UGT8: variants seen among roughly 807,000 people sequenced by gnomAD.
UGT8 encodes 2-hydroxyacylsphingosine 1-beta-galactosyltransferase.
A neutral mutation model predicts 40.5 loss-of-function variants in UGT8; 12 were observed. The observed-to-expected ratio is 0.30, with a 90% CI of 0.19 to 0.48. The LOEUF is 0.48. Among genes scored for constraint, UGT8 ranks in the 20% least tolerant of loss-of-function variants. The probability of loss-of-function intolerance (pLI) is 0.99; values close to 1 mark genes in which losing one functional copy is unlikely to be tolerated. For missense variants in UGT8, 513 were observed against 648.7 expected (o/e 0.79, Z 2.27); for synonymous variants, 224 against 240.4 (o/e 0.93, Z 0.63).
At chr4:114,601,287 T>C (rs1440981323) in intron 1 of UGT8, among the ~76,000 whole-genome samples, 1 of 152,230 alleles carries the variant, frequency 6.6e-6, no homozygotes, top group African/African-American at 2.4e-5. Flanking sequence ...TATTGCACCT[T>C]ATGAACAACT....
rs755552076 is a variant in UGT8 at position 114,665,763 on chromosome 4, CAAT to C, written c.1042+8_1042+10del. 7.5e-6 allele frequency: 12 copies of C among 1,596,582 alleles called. No homozygotes were observed. The Admixed American group carries it at 2.1e-4, about 28-fold the overall frequency. On this transcript the variant is annotated splice_region_variant and intron_variant, in intron 4 of 5. Transcript: ENST00000310836. ...CCACAAAATGACCTGCTTGGTAAGT[CAAT>C]GATGTGTGGTTACTTACTTGGCTGT...
At chr4:114,647,742 A>G (rs1395660409) in intron 2 of UGT8, among the ~76,000 whole-genome samples, 2 of 152,152 alleles carry the variant, frequency 1.3e-5, no homozygotes, top group African/African-American at 4.8e-5. Context: ...ATGAGGTCCA[A>G]GGAGGCTAAG....
intron 2 of UGT8, among the ~76,000 whole-genome samples, chr4:114,628,671 A>G (rs1219180970): frequency 6.7e-6 from 1 of 150,250 alleles, no homozygotes; most frequent in Non-Finnish European, 1.5e-5. Flanking sequence ...ATATTTCCAC[A>G]TTAGGAGTAT....
At chr4:114,602,748 G>A (rs777415686) in intron 1 of UGT8, among the ~76,000 whole-genome samples, 11 of 152,162 alleles carry the variant, frequency 7.2e-5, no homozygotes, top group Admixed American at 2.0e-4. Context: ...ATTTGGAAGT[G>A]GTCAATTCTG....
intron 2 of UGT8, among the ~76,000 whole-genome samples, chr4:114,654,633 C>A (rs1304014246): frequency 2.0e-5 from 3 of 152,190 alleles, no homozygotes; most frequent in South Asian, 2.1e-4. Context: ...GTAGCTACAA[C>A]ACCTTCCCTT....
intron 2 of UGT8, among the ~76,000 whole-genome samples, chr4:114,636,358 T>C (rs1732886895): frequency 6.6e-6 from 1 of 152,236 alleles, no homozygotes; most frequent in African/African-American, 2.4e-5. Flanking sequence ...GCTGAAGCCT[T>C]ACACAGCTGT....
chr4:114,644,841 C>T (rs1733461211), intron 2 of UGT8, among the ~76,000 whole-genome samples: 1 of 152,146 alleles, frequency 6.6e-6, no homozygotes, highest in Non-Finnish European at 1.5e-5. Flanking sequence ...CCCTCTACAG[C>T]TGAAAGTGGC....
intron 2 of UGT8, among the ~76,000 whole-genome samples, chr4:114,648,168 A>AT (rs1733689975): frequency 6.6e-6 from 1 of 152,132 alleles, no homozygotes; most frequent in Admixed American, 6.5e-5. Flanking sequence ...ATAGAATGCC[A>AT]TTCCAACATA....
chr4:114,622,985 G>A lies in UGT8; in HGVS notation c.105G>A (p.Met35Ile), dbSNP rs1251936769. ...IVPPIMFESHMYIFKTLASAL... is the reference protein window; with the variant it reads ...IVPPIMFESHIYIFKTLASAL... ...CGCCAATTATGTTTGAAAGCCATAT[G>A]TACATTTTCAAGACGCTAGCCTCAG... Residue 35 changes from methionine to isoleucine, a missense_variant, in exon 2 of 6, where the codon ATG (methionine) becomes ATA (isoleucine). Met to Ile is a conservative substitution (Grantham distance 10). Coordinates refer to ENST00000310836, the MANE Select transcript of UGT8 (RefSeq NM_001128174.3). 1.2e-6 allele frequency: 2 copies of A among 1,614,072 alleles called. No homozygotes were observed. The highest frequency in any genetic ancestry group is 1.7e-6 in the Non-Finnish European group (2 of 1,180,006).
intron 1 of UGT8, among the ~76,000 whole-genome samples, chr4:114,617,998 T>TA (rs1275006074): frequency 6.6e-6 from 1 of 152,220 alleles, no homozygotes; most frequent in Admixed American, 6.5e-5. Context: ...TTAAAATTGT[T>TA]ATCAGTTTCA....
At chr4:114,663,887 T>A in intron 2 of UGT8, 108 bp from the exon 3 acceptor site, 1 of 1,506,588 alleles carries the variant, frequency 6.6e-7, no homozygotes, top group East Asian at 2.3e-5. Context: ...ACTTTCTAAT[T>A]GTTTAAGAAA....
At chr4:114,613,857 C>T (rs777713177) in intron 1 of UGT8, among the ~76,000 whole-genome samples, 22 of 152,034 alleles carry the variant, frequency 1.4e-4, no homozygotes, top group Non-Finnish European at 2.8e-4. Context: ...TTCTTCTGGA[C>T]GCCAGAATTT....
At position 114,646,938 on chromosome 4, in the gene UGT8, G is replaced by C. The variant is rs1434455581; in HGVS notation, c.823-17057G>C. ...AGATTGAGACAGAGCTAAATCTTTTGGAATTCAGAAACATGACTATTGATC... is the reference window on the plus strand; with the variant it reads ...AGATTGAGACAGAGCTAAATCTTTTCGAATTCAGAAACATGACTATTGATC... On this transcript the variant is annotated intron_variant, in intron 2 of 5. Transcript: ENST00000310836. 3.3e-5 allele frequency among the ~76,000 whole-genome samples: 5 copies of C among 152,228 alleles called. No individual in the cohort carries two copies. In the East Asian group the frequency reaches 9.7e-4, roughly 29 times the overall value.
rs749033096 is a variant in UGT8, at chr4:114,676,128, A to T, written c.1466A>T (p.Tyr489Phe). 1.2e-6 allele frequency: 2 copies of T among 1,614,040 alleles called. No individual in the cohort carries two copies. Among genetic ancestry groups the T allele is most frequent in the Non-Finnish European group, 1.7e-6 (2 of 1,180,044 alleles). ...CTTTTGCTTGGTGCTGCCTTGTTAT[A>T]CTTTCTCTTGTCTTGGGTGACAAAA... ...FVLLLGAALL[Y>F]FLLSWVTKFI... Residue 489 changes from tyrosine (Y) to phenylalanine (F), a missense_variant, in exon 6 of 6, where the codon TAC becomes TTC. Coordinates refer to ENST00000310836, the MANE Select transcript of UGT8 (RefSeq NM_001128174.3).
At chr4:114,645,958 G>A (rs1733543751) in intron 2 of UGT8, among the ~76,000 whole-genome samples, 1 of 152,118 alleles carries the variant, frequency 6.6e-6, no homozygotes, top group Non-Finnish European at 1.5e-5. Context: ...ACATTTTTAA[G>A]CAGGAAGTCA....
chr4:114,610,126 A>G (rs1472538161), intron 1 of UGT8, among the ~76,000 whole-genome samples: 13 of 152,174 alleles, frequency 8.5e-5, no homozygotes, highest in Admixed American at 2.0e-4. Flanking sequence ...GGCAGTGACA[A>G]CTTTGGAGGG....
intron 1 of UGT8, among the ~76,000 whole-genome samples, chr4:114,612,765 A>T (rs1014240132): frequency 1.3e-5 from 2 of 152,158 alleles, no homozygotes; most frequent in Admixed American, 6.6e-5. Context: ...CTTGTTTCAT[A>T]AATAAGTATG....
chr4:114,676,037 C>G lies in UGT8; in HGVS notation c.1375C>G (p.His459Asp). The G allele has an allele frequency of 6.2e-7, 1 of 1,614,220 alleles. No homozygotes were observed. Reference sequence around the variant, plus strand: ...TATTATTCGTCACAATGGAGCCCATCACCTACGTGCCGCTGTCCATCAGAT... The same window carrying G: ...TATTATTCGTCACAATGGAGCCCATGACCTACGTGCCGCTGTCCATCAGAT... ...DYIIRHNGAH[H>D]LRAAVHQISF... Residue 459 changes from histidine to aspartate, a missense_variant, in exon 6 of 6, where the codon CAC becomes GAC. This residue lies in a region of UGT8 where 175 missense variants were observed against 186.7 expected (regional missense o/e 0.94). Coordinates refer to ENST00000310836, the MANE Select transcript of UGT8 (RefSeq NM_001128174.3).
intron 1 of UGT8, among the ~76,000 whole-genome samples, chr4:114,603,326 G>T (rs1349937910): frequency 6.6e-6 from 1 of 152,122 alleles, no homozygotes; most frequent in East Asian, 1.9e-4. Flanking sequence ...GTAGATAAAT[G>T]GTAGGTAGAT....
Sources: allele counts gnomAD v4.1 joint callset (sites outside exome capture counted in the v4.1 genomes callset), GRCh38; gene constraint gnomAD v4.1.1; regional missense constraint gnomAD v4.1.1; transcripts MANE v1.5; gene names NCBI Gene and HGNC (gene_info 2026-07-23, HGNC 2026-07-21).